ADAM12: variants seen among roughly 807,000 people sequenced by gnomAD.
ADAM12 encodes the protein ADAM metallopeptidase domain 12.
In ADAM12, 70 loss-of-function variants were observed where a neutral mutation model predicts 106.4. The ratio of observed to expected loss-of-function variants is 0.66; its 90% confidence interval spans 0.54 to 0.80. ADAM12 has a LOEUF of 0.80. Among genes scored for constraint, ADAM12 ranks in the 30% least tolerant of loss-of-function variants. The pLI is 0.00. For synonymous variants in ADAM12, 420 were observed against 433.5 expected, an observed-to-expected ratio of 0.97 and a Z score of 0.39; for missense variants, 1,010 against 1,171.9, an observed-to-expected ratio of 0.86 and a Z score of 2.02.
chr10:126,086,670 AAAAAAAAAAAATAT>A (rs1321620425), intron 11 of ADAM12, among the ~76,000 whole-genome samples: 9 of 41,470 alleles, frequency 2.2e-4, no homozygotes, highest in African/African-American at 1.8e-3. Context: ...AAAAAAAAAA[AAAAAAAAAAAATAT>A]ATATATATAT....
At chr10:126,033,043 C>T (rs911157216) in intron 21 of ADAM12, among the ~76,000 whole-genome samples, 1 of 151,964 alleles carries the variant, frequency 6.6e-6, no homozygotes, top group Non-Finnish European at 1.5e-5. Context: ...AGAAGAAAAC[C>T]TCTACCTCTC....
At position 126,118,143 on chromosome 10, in the gene ADAM12, C is replaced by G. The variant is rs201372472; in HGVS notation, c.498G>C (p.Ala166=). The G allele has an allele frequency of 2.5e-6, 4 of 1,613,938 alleles. No individual in the cohort carries two copies. The highest frequency in any genetic ancestry group is 1.3e-5 in the African/African-American group (1 of 74,910). The change falls in exon 6 of 23, where the codon GCG becomes GCC. Residue 166 remains alanine (A), a synonymous_variant. Coordinates refer to ENST00000448723, the MANE Select transcript of ADAM12 (RefSeq NM_001288973.2). The part of the protein sequence containing the change: ...SATNRYKLFP[A]KKLKSVRGSC... ...ATCCCCGGACGCTTTTCAGCTTCTT[C>G]GCTGGGAAGAGTTTGTATCTGTTGG...
intron 2 of ADAM12, among the ~76,000 whole-genome samples, chr10:126,301,805 AT>A: frequency 6.6e-6 from 1 of 152,304 alleles, no homozygotes; most frequent in East Asian, 1.9e-4. Flanking sequence ...TCCCATCCAG[AT>A]TGCAGACATT....
At chr10:126,104,913 A>G (rs150371445) in intron 8 of ADAM12, among the ~76,000 whole-genome samples, 2 of 152,334 alleles carry the variant, frequency 1.3e-5, no homozygotes, top group East Asian at 3.9e-4. Flanking sequence ...CTGGACTGAG[A>G]CACTTTCATT....
intron 11 of ADAM12, among the ~76,000 whole-genome samples, chr10:126,082,387 T>TTTTA (rs1427154316): frequency 6.3e-4 from 93 of 148,190 alleles, no homozygotes; most frequent in Non-Finnish European, 1.2e-3. Context: ...TTTTTTTTTT[T>TTTTA]ATGTGGAGTT....
intron 1 of ADAM12, among the ~76,000 whole-genome samples, chr10:126,379,167 T>C (rs955901848): frequency 2.6e-5 from 4 of 152,184 alleles, no homozygotes; most frequent in Non-Finnish European, 5.9e-5. Flanking sequence ...GAAATACCAT[T>C]TGACCCAGCA....
intron 4 of ADAM12, 144 bp downstream of exon 4, chr10:126,155,083 C>T: frequency 1.2e-6 from 1 of 817,574 alleles, no homozygotes; most frequent in Non-Finnish European, 2.0e-6. Flanking sequence ...AGAACGCCTA[C>T]CACTAAGGGA....
intron 1 of ADAM12, among the ~76,000 whole-genome samples, chr10:126,378,665 A>T (rs1030599962): frequency 1.1e-4 from 17 of 152,194 alleles, no homozygotes; most frequent in Non-Finnish European, 1.6e-4. Flanking sequence ...ATGGGTGGGG[A>T]GAAAAGGTAT....
In ADAM12 at chr10:126,357,349, C is replaced by T. The variant is rs995605160; in HGVS notation, c.89-26840G>A. Among the ~76,000 whole-genome samples, 59 of 152,056 alleles carry T rather than the reference C, an allele frequency of 3.9e-4. 1 individual carries two copies. Among genetic ancestry groups the T allele is most frequent in the Admixed American group, 3.8e-3 (58 of 15,270 alleles). ...AGGGGGAAAAAAAAACTCCTGTCTACCAGGAATACCTTACCCAGCAAGGCT... is the reference window on the plus strand; with the variant it reads ...AGGGGGAAAAAAAAACTCCTGTCTATCAGGAATACCTTACCCAGCAAGGCT... On this transcript the variant is annotated intron_variant, in intron 1 of 22. Transcript: ENST00000448723.
chr10:126,178,772 C>T (rs907342000), intron 3 of ADAM12, among the ~76,000 whole-genome samples: 16 of 152,102 alleles, frequency 1.1e-4, no homozygotes, highest in Non-Finnish European at 1.3e-4. Flanking sequence ...GCAGGCCGGG[C>T]GCAGTGGCTC....
intron 1 of ADAM12, among the ~76,000 whole-genome samples, chr10:126,368,313 C>T (rs1356994630): frequency 6.8e-6 from 1 of 147,520 alleles, no homozygotes; most frequent in East Asian, 2.0e-4. Context: ...CCTTTGATAA[C>T]TTAATTCACT....
intron 11 of ADAM12, among the ~76,000 whole-genome samples, chr10:126,074,425 G>T (rs918798095): frequency 3.9e-5 from 6 of 152,158 alleles, no homozygotes; most frequent in Admixed American, 3.3e-4. Context: ...CAAACATTGG[G>T]TTTTTTGGGG....
intron 5 of ADAM12, among the ~76,000 whole-genome samples, chr10:126,121,219 A>T (rs1328392968): frequency 2.0e-5 from 2 of 102,126 alleles, no homozygotes; most frequent in Non-Finnish European, 3.6e-5. Context: ...TATATATATT[A>T]TATACTATAG....
chr10:126,042,977 G>A (rs1053834995), intron 18 of ADAM12, 63 bp downstream of exon 18: 3 of 1,504,758 alleles, frequency 2.0e-6, no homozygotes, highest in Non-Finnish European at 2.7e-6. Flanking sequence ...GCTGACAGCT[G>A]GCGAGCCCAC....
chr10:126,216,390 A>T (rs563442550), intron 3 of ADAM12, among the ~76,000 whole-genome samples: 1 of 152,258 alleles, frequency 6.6e-6, no homozygotes, highest in Non-Finnish European at 1.5e-5. Context: ...AACTCCAGGC[A>T]GGCACAAGTC....
chr10:126,050,241 G>A (rs983736520), intron 14 of ADAM12, among the ~76,000 whole-genome samples: 1 of 152,190 alleles, frequency 6.6e-6, no homozygotes, highest in Non-Finnish European at 1.5e-5. Context: ...AGGCCATGGA[G>A]TCATAAACCC....
chr10:126,057,696 C>G (rs1044484219), intron 14 of ADAM12, among the ~76,000 whole-genome samples: 12 of 152,154 alleles, frequency 7.9e-5, no homozygotes, highest in Admixed American at 7.2e-4. Flanking sequence ...CAGCACAACT[C>G]CTTCCAGAAC....
intron 2 of ADAM12, among the ~76,000 whole-genome samples, chr10:126,311,679 C>A (rs1054549646): frequency 6.6e-6 from 1 of 152,024 alleles, no homozygotes; most frequent in Non-Finnish European, 1.5e-5. Flanking sequence ...CCATAAACAT[C>A]CTGAAAAGAG....
At chr10:126,353,314 T>C (rs1855425880) in intron 1 of ADAM12, among the ~76,000 whole-genome samples, 1 of 152,134 alleles carries the variant, frequency 6.6e-6, no homozygotes, top group South Asian at 2.1e-4. Context: ...ATCTGAAAGA[T>C]GTTACGGTAC....
Sources: gnomAD v4.1 joint callset for allele counts (sites outside exome capture counted in the v4.1 genomes callset) on GRCh38, gnomAD v4.1.1 for gene constraint, MANE v1.5 for transcripts, NCBI Gene and HGNC (gene_info 2026-07-23, HGNC 2026-07-21) for gene names.